The following TLE4 variants were observed in gnomAD, a reference collection of about 807,000 sequenced individuals.
TLE4 encodes TLE family member 4, transcriptional corepressor.
In TLE4, 8 loss-of-function variants were observed where a neutral mutation model predicts 92.8. The ratio of observed to expected loss-of-function variants is 0.09; its 90% CI spans 0.05 to 0.16. The LOEUF is 0.16. Ranked by LOEUF, TLE4 falls within the 10% of genes least tolerant of loss-of-function variation. The pLI, the probability that TLE4 is intolerant of heterozygous loss-of-function variation, is 1.00. For missense variants in TLE4, 675 were observed against 997.6 expected (o/e 0.68, Z 4.36); for synonymous variants, 371 against 374.1 (o/e 0.99, Z 0.10).
At position 79,725,019 on chromosome 9, in the gene TLE4, T is replaced by C; in HGVS notation, c.2215-18T>C. The C allele has an allele frequency of 1.3e-6, 2 of 1,589,550 alleles. No homozygotes were observed. Among genetic ancestry groups the C allele is most frequent in the Non-Finnish European group, 1.7e-6 (2 of 1,157,866 alleles). On this transcript the variant is annotated intron_variant, in intron 19 of 19. Transcript: ENST00000376552. Reference sequence around the variant, plus strand: ...TCTTTCAGTATTTAACATTTTTGATTATATGTTTCTTTCCTAGTCCAAAGA... The same window carrying C: ...TCTTTCAGTATTTAACATTTTTGATCATATGTTTCTTTCCTAGTCCAAAGA...
At chr9:79,658,680 A>G (rs770237691) in intron 8 of TLE4, among the ~76,000 whole-genome samples, 8 of 152,218 alleles carry the variant, frequency 5.3e-5, no homozygotes, top group Non-Finnish European at 1.0e-4. Flanking sequence ...AATTAACAGA[A>G]TGATTACTTC....
chr9:79,609,225 T>C (rs1333471312), intron 4 of TLE4, among the ~76,000 whole-genome samples: 1 of 152,090 alleles, frequency 6.6e-6, no homozygotes, highest in Non-Finnish European at 1.5e-5. Context: ...TTTTCCTGTT[T>C]CGTTACTACC....
chr9:79,584,471 G>GT (rs2040552287), intron 4 of TLE4, among the ~76,000 whole-genome samples: 1 of 152,184 alleles, frequency 6.6e-6, no homozygotes, highest in African/African-American at 2.4e-5. Context: ...AACACACTGT[G>GT]TTAGATACTT....
Position 79,582,968 on chromosome 9 carries a change from AGTAT to A in TLE4, c.252+6792_252+6795del. ...CAAGGCTTAGGACTTGTTCAAAGTA[AGTAT>A]ACTGCGAACAGTTTATGAAATTATT... On this transcript the variant is annotated intron_variant, in intron 4 of 19. Transcript: ENST00000376552. 1.3e-5 allele frequency among the ~76,000 whole-genome samples: 2 copies of A among 152,182 alleles called. 1 individual carries two copies. The highest frequency in any genetic ancestry group is 4.1e-4 in the South Asian group (2 of 4,832).
At chr9:79,724,200 A>C (rs1419785945) in intron 19 of TLE4, among the ~76,000 whole-genome samples, 1 of 149,340 alleles carries the variant, frequency 6.7e-6, no homozygotes, top group Non-Finnish European at 1.5e-5. Flanking sequence ...TCTCAGTGCC[A>C]TTTCTCATAT....
At chr9:79,591,758 T>G (rs941146975) in intron 4 of TLE4, among the ~76,000 whole-genome samples, 2 of 152,020 alleles carry the variant, frequency 1.3e-5, no homozygotes, top group Non-Finnish European at 2.9e-5. Context: ...CCTAAGACAT[T>G]GATGTCTGCA....
intron 6 of TLE4, among the ~76,000 whole-genome samples, chr9:79,646,763 T>C (rs1403810558): frequency 6.6e-6 from 1 of 152,202 alleles, no homozygotes; most frequent in African/African-American, 2.4e-5. Context: ...ATCTCTGTCA[T>C]ATGCCTTTTG....
intron 5 of TLE4, among the ~76,000 whole-genome samples, chr9:79,614,892 G>A (rs1259432644): frequency 6.6e-6 from 1 of 151,980 alleles, no homozygotes; most frequent in Non-Finnish European, 1.5e-5. Flanking sequence ...TTCCAGTGTG[G>A]CCCAGGGAAG....
At chr9:79,641,303 G>T (rs563100078) in intron 6 of TLE4, among the ~76,000 whole-genome samples, 1 of 152,072 alleles carries the variant, frequency 6.6e-6, no homozygotes, top group African/African-American at 2.4e-5. Context: ...ACCAGGAGAA[G>T]TTATTTGCAA....
rs2071697858 is a variant in TLE4 at position 79,706,770 on chromosome 9, C to T, written c.807C>T (p.Ser269=). 1.2e-6 allele frequency: 2 copies of T among 1,613,848 alleles called. No homozygotes were observed. Among genetic ancestry groups the T allele is most frequent in the African/African-American group, 1.3e-5 (1 of 74,912 alleles). Residue 269 remains serine, a synonymous_variant, in exon 11 of 20, where the codon AGC becomes AGT. Coordinates refer to ENST00000376552, the MANE Select transcript of TLE4 (RefSeq NM_007005.6). ...SNEDPSSPRG[S]PAHSPRENGL... Reference sequence around the variant, plus strand: ...AGGATCCATCTTCCCCTCGAGGGAGCCCAGCACATTCCCCCAGAGAGAATG... The same window carrying T: ...AGGATCCATCTTCCCCTCGAGGGAGTCCAGCACATTCCCCCAGAGAGAATG...
chr9:79,579,740 A>G (rs2039090935), intron 4 of TLE4, among the ~76,000 whole-genome samples: 1 of 152,188 alleles, frequency 6.6e-6, no homozygotes, highest in South Asian at 2.1e-4. Context: ...AAAGCCATGT[A>G]AATTTTATTA....
intron 8 of TLE4, among the ~76,000 whole-genome samples, chr9:79,676,102 AG>A (rs2063211901): frequency 6.6e-6 from 1 of 152,138 alleles, no homozygotes; most frequent in Non-Finnish European, 1.5e-5. Flanking sequence ...AGTGACAATA[AG>A]GGATAATGAC....
At chr9:79,616,777 A>G (rs1402396074) in intron 5 of TLE4, among the ~76,000 whole-genome samples, 2 of 152,126 alleles carry the variant, frequency 1.3e-5, no homozygotes, top group Non-Finnish European at 2.9e-5. Context: ...GAACATATCT[A>G]TGTAGAGAGT....
chr9:79,607,759 A>G (rs1444699110), intron 4 of TLE4, among the ~76,000 whole-genome samples: 4 of 120,120 alleles, frequency 3.3e-5, no homozygotes, highest in Non-Finnish European at 5.4e-5. Flanking sequence ...TACCAGTACC[A>G]TGCTGTTTTG....
intron 6 of TLE4, chr9:79,649,858 G>T (rs1484723200): frequency 1.5e-6 from 2 of 1,365,096 alleles, no homozygotes; most frequent in East Asian, 9.1e-5. Flanking sequence ...GATCATTAAA[G>T]GTATTGGGCT....
Position 79,722,036 on chromosome 9 carries a change from G to A in TLE4, c.1986+148G>A, listed in dbSNP as rs1310547075. The A allele has an allele frequency of 3.3e-6, 4 of 1,204,696 alleles. No individual in the cohort carries two copies. The African/African-American group carries it at 4.6e-5, about 14-fold the overall frequency. 74.6% of individuals were successfully genotyped at this position (1,204,696 alleles called of 1,614,324 possible). A position where few individuals can be genotyped will look rare whatever the true frequency, so the allele number is the denominator to read the frequency against. ...AAAAATTAGCTGGGCATGGTGGCAT[G>A]TGCCTGTAGTCCCAGCTACTTAGGA... On this transcript the variant is annotated intron_variant, in intron 17 of 19. Transcript: ENST00000376552.
chr9:79,603,270 A>G (rs2046062704), intron 4 of TLE4, among the ~76,000 whole-genome samples: 1 of 152,176 alleles, frequency 6.6e-6, no homozygotes, highest in South Asian at 2.1e-4. Flanking sequence ...ATGCTGTCAA[A>G]CAGCATCACA....
rs551156439 is a variant in TLE4, at chr9:79,724,329, A to G, written c.2215-708A>G. Reference sequence around the variant, plus strand: ...GGTTAAGTGACCTGTGCCGTGTTCCACAGCTCAACCTGACTCCAAGCCATC... The same window carrying G: ...GGTTAAGTGACCTGTGCCGTGTTCCGCAGCTCAACCTGACTCCAAGCCATC... On this transcript the variant is annotated intron_variant, in intron 19 of 19. Coordinates refer to ENST00000376552, the MANE Select transcript of TLE4 (RefSeq NM_007005.6). Among the ~76,000 whole-genome samples, 220 of 152,206 alleles carry G rather than the reference A, an allele frequency of 1.4e-3. 2 individuals are homozygous for G. The highest frequency in any genetic ancestry group is 3.4e-3 in the Middle Eastern group (1 of 294).
intron 6 of TLE4, among the ~76,000 whole-genome samples, chr9:79,628,448 T>G (rs1428539603): frequency 6.6e-6 from 1 of 152,166 alleles, no homozygotes; most frequent in Non-Finnish European, 1.5e-5. Context: ...AAGATATTGC[T>G]TCAATTATTC....
Sources: allele counts gnomAD v4.1 joint callset (sites outside exome capture counted in the v4.1 genomes callset), GRCh38; gene constraint gnomAD v4.1.1; transcripts MANE v1.5; gene names NCBI Gene and HGNC (gene_info 2026-07-23, HGNC 2026-07-21).